Variants in GALNT17 observed in about 807,000 individuals in gnomAD.
The protein encoded by GALNT17 is UDP-GalNAc:polypeptide N-acetylgalactosaminyltransferase-like 3.
A neutral mutation model predicts 63.7 loss-of-function variants in GALNT17; 29 were observed. The observed-to-expected ratio is 0.46, with a 90% CI of 0.34 to 0.62. The LOEUF (loss-of-function observed/expected upper bound fraction) is 0.62, where lower values mean the gene tolerates loss of function less well. Ranked by LOEUF, GALNT17 falls within the 20% of genes least tolerant of loss-of-function variation. The probability of loss-of-function intolerance (pLI) is 0.01; values close to 1 mark genes in which losing one functional copy is unlikely to be tolerated. For synonymous variants in GALNT17, 305 were observed against 318.3 expected, an observed-to-expected ratio of 0.96 and a Z score of 0.45; for missense variants, 603 against 799.6, an observed-to-expected ratio of 0.75 and a Z score of 2.97.
intron 3 of GALNT17, among the ~76,000 whole-genome samples, chr7:71,398,596 T>C (rs915096237): frequency 6.6e-6 from 1 of 152,218 alleles, no homozygotes; most frequent in Non-Finnish European, 1.5e-5. Context: ...CTATCTTTCA[T>C]GTTGGAGGCT....
chr7:71,411,299 T>G (rs1793425666), intron 3 of GALNT17, among the ~76,000 whole-genome samples: 1 of 152,092 alleles, frequency 6.6e-6, no homozygotes, highest in Admixed American at 6.5e-5. Context: ...TTTTGTATTT[T>G]TAGTAGAGAT....
chr7:71,695,888 G>C (rs1791533136), intron 9 of GALNT17, among the ~76,000 whole-genome samples: 1 of 152,174 alleles, frequency 6.6e-6, no homozygotes, highest in African/African-American at 2.4e-5. Context: ...CCTGTCCCCT[G>C]CTGGGCTGCC....
At chr7:71,356,272 G>C (rs571930914) in intron 2 of GALNT17, among the ~76,000 whole-genome samples, 64 of 152,284 alleles carry the variant, frequency 4.2e-4, no homozygotes, top group African/African-American at 1.3e-3. Flanking sequence ...CATTAATTTT[G>C]TTGATTTGCA....
intron 6 of GALNT17, among the ~76,000 whole-genome samples, chr7:71,582,044 T>C (rs1239015578): frequency 6.6e-6 from 1 of 152,140 alleles, no homozygotes; most frequent in East Asian, 1.9e-4. Flanking sequence ...CCATATGTGT[T>C]ATACCTGGTG....
intron 5 of GALNT17, among the ~76,000 whole-genome samples, chr7:71,552,727 C>T (rs1789102011): frequency 6.6e-6 from 1 of 152,060 alleles, no homozygotes; most frequent in Non-Finnish European, 1.5e-5. Flanking sequence ...CAGGAGTGAG[C>T]CACTGTGCCC....
chr7:71,152,465 A>G (rs758959078), intron 1 of GALNT17, among the ~76,000 whole-genome samples: 2 of 152,082 alleles, frequency 1.3e-5, no homozygotes, highest in Non-Finnish European at 2.9e-5. Flanking sequence ...CAGCTTAGCA[A>G]AACTGCAGTT....
intron 2 of GALNT17, among the ~76,000 whole-genome samples, chr7:71,346,222 A>T (rs1165643559): frequency 9.9e-5 from 15 of 151,326 alleles, no homozygotes; most frequent in Admixed American, 9.3e-4. Context: ...ATATATATTT[A>T]TATATTATAC....
chr7:71,581,302 G>T (rs1789631984), intron 6 of GALNT17, among the ~76,000 whole-genome samples: 1 of 152,104 alleles, frequency 6.6e-6, no homozygotes, highest in Non-Finnish European at 1.5e-5. Flanking sequence ...TGGGATTACA[G>T]ATGTGCACTA....
intron 1 of GALNT17, among the ~76,000 whole-genome samples, chr7:71,324,812 A>G (rs1791677328): frequency 6.6e-6 from 1 of 152,208 alleles, no homozygotes; most frequent in African/African-American, 2.4e-5. Context: ...TATAGCACAC[A>G]TATTTAGCAT....
intron 6 of GALNT17, among the ~76,000 whole-genome samples, chr7:71,619,510 C>T (rs1388790860): frequency 2.0e-5 from 3 of 152,182 alleles, no homozygotes; most frequent in Admixed American, 6.5e-5. Context: ...TCTTTCACCT[C>T]CTTGGTTAGC....
chr7:71,260,482 G>A (rs1790365851), intron 1 of GALNT17, among the ~76,000 whole-genome samples: 1 of 152,000 alleles, frequency 6.6e-6, no homozygotes, highest in Non-Finnish European at 1.5e-5. Flanking sequence ...TTTAGCCAAG[G>A]CATTTGCTTT....
At chr7:71,508,059 G>A (rs550747806) in intron 5 of GALNT17, among the ~76,000 whole-genome samples, 133 of 152,294 alleles carry the variant, frequency 8.7e-4, no homozygotes, top group African/African-American at 2.9e-3. Flanking sequence ...ATTGTGCCTA[G>A]TTTCCTTGCC....
At chr7:71,352,601 G>C (rs1792209262) in intron 2 of GALNT17, among the ~76,000 whole-genome samples, 1 of 152,150 alleles carries the variant, frequency 6.6e-6, no homozygotes, top group South Asian at 2.1e-4. Context: ...AACAATTTAT[G>C]AATCTGGAGC....
intron 5 of GALNT17, among the ~76,000 whole-genome samples, chr7:71,554,452 A>C (rs536828521): frequency 6.6e-6 from 1 of 152,008 alleles, no homozygotes; most frequent in East Asian, 1.9e-4. Flanking sequence ...TTTATAACTT[A>C]CCCAGTCTTG....
intron 5 of GALNT17, among the ~76,000 whole-genome samples, chr7:71,446,167 C>A (rs1461704152): frequency 3.3e-5 from 5 of 152,186 alleles, no homozygotes; most frequent in African/African-American, 1.2e-4. Flanking sequence ...GCTTCCAATC[C>A]AGATGTTGTC....
intron 1 of GALNT17, among the ~76,000 whole-genome samples, chr7:71,256,189 C>T (rs888890724): frequency 2.6e-5 from 4 of 152,186 alleles, no homozygotes; most frequent in African/African-American, 9.7e-5. Context: ...CCGCAAGCCC[C>T]CGCTTTCAGC....
At chr7:71,439,097 C>T (rs1787020156) in intron 5 of GALNT17, among the ~76,000 whole-genome samples, 1 of 152,110 alleles carries the variant, frequency 6.6e-6, no homozygotes, top group African/African-American at 2.4e-5. Flanking sequence ...CTATGTTGCC[C>T]TGGCTGGCCT....
intron 1 of GALNT17, among the ~76,000 whole-genome samples, chr7:71,272,036 G>A (rs934952068): frequency 6.6e-6 from 1 of 152,226 alleles, no homozygotes. Flanking sequence ...TGGGATTACA[G>A]GCATGAGCCA....
intron 1 of GALNT17, among the ~76,000 whole-genome samples, chr7:71,301,706 A>T (rs900521062): frequency 1.3e-5 from 2 of 151,830 alleles, no homozygotes; most frequent in Non-Finnish European, 2.9e-5. Flanking sequence ...ACACTTAAAA[A>T]TTTGTTAAGA....
Sources: allele counts gnomAD v4.1 joint callset (sites outside exome capture counted in the v4.1 genomes callset), GRCh38; gene constraint gnomAD v4.1.1; transcripts MANE v1.5; gene names NCBI Gene and HGNC (gene_info 2026-07-23, HGNC 2026-07-21).